The following SLC43A1 variants were observed in gnomAD, a reference collection of about 807,000 sequenced individuals.
The protein encoded by SLC43A1 is large neutral amino acids transporter small subunit 3.
Under a neutral mutation model 59.5 loss-of-function variants are expected in SLC43A1, and 31 were observed. That is an observed-to-expected ratio of 0.52 (90% confidence interval 0.39 to 0.70). The LOEUF (loss-of-function observed/expected upper bound fraction) is 0.70. Among genes scored for constraint, SLC43A1 ranks in the 30% least tolerant of loss-of-function variants. The pLI is 0.00. For synonymous variants in SLC43A1, 259 were observed against 290.9 expected (o/e 0.89, Z 1.12); for missense variants, 598 against 717.8 (o/e 0.83, Z 1.91).
At chr11:57,486,554 C>T (rs895218638) in intron 14 of SLC43A1, among the ~76,000 whole-genome samples, 2 of 149,886 alleles carry the variant, frequency 1.3e-5, no homozygotes, top group African/African-American at 4.9e-5. Context: ...AATCCCAGCA[C>T]TTTGGGAGGC....
At position 57,514,391 on chromosome 11, in the gene SLC43A1, C is replaced by A; in HGVS notation, c.-13-267G>T. On this transcript the variant is annotated intron_variant, in intron 1 of 14. Coordinates refer to ENST00000278426, the MANE Select transcript of SLC43A1 (RefSeq NM_003627.6). This position sits in a 1 kb window ranked among gnomAD's most constrained non-coding sequence, Gnocchi z 5.5. Reference sequence around the variant, plus strand: ...CTGCGCGCTGCAGCTTCCTAGCAGGCTGCCGGGTTCTCTCACCCAGGCCAG... The same window carrying A: ...CTGCGCGCTGCAGCTTCCTAGCAGGATGCCGGGTTCTCTCACCCAGGCCAG... 1 of 437,694 alleles carries A rather than the reference C, an allele frequency of 2.3e-6. No homozygotes were observed. The highest frequency in any genetic ancestry group is 4.4e-5 in the East Asian group (1 of 22,622). 27.1% of individuals were successfully genotyped at this position (437,694 alleles called of 1,614,324 possible).
At chr11:57,500,272 G>A (rs1256974038) in intron 5 of SLC43A1, among the ~76,000 whole-genome samples, 1 of 152,148 alleles carries the variant, frequency 6.6e-6, no homozygotes, top group Non-Finnish European at 1.5e-5. Context: ...GCTTTCACAG[G>A]GACGGGGTCA....
At chr11:57,513,602 A>G (rs549840057) in intron 2 of SLC43A1, among the ~76,000 whole-genome samples, 7 of 152,292 alleles carry the variant, frequency 4.6e-5, no homozygotes, top group African/African-American at 1.7e-4. Context: ...TTCATACTCC[A>G]CTTTGTGCAG....
chr11:57,507,360 C>T (rs903743562), intron 2 of SLC43A1, among the ~76,000 whole-genome samples: 1 of 152,186 alleles, frequency 6.6e-6, no homozygotes, highest in East Asian at 1.9e-4. Flanking sequence ...ATCCCAGCTA[C>T]TTGGGAGGTT....
At chr11:57,496,283 A>G (rs1209433371) in intron 6 of SLC43A1, 119 bp from the exon 7 acceptor site, 3 of 1,170,900 alleles carry the variant, frequency 2.6e-6, no homozygotes, top group Non-Finnish European at 3.5e-6. Context: ...CTTGTGCCCA[A>G]TTTGCAGATG....
chr11:57,513,615 C>T (rs539493056), intron 2 of SLC43A1, among the ~76,000 whole-genome samples: 1 of 152,338 alleles, frequency 6.6e-6, no homozygotes, highest in East Asian at 1.9e-4. Context: ...TTGTGCAGCT[C>T]TCCCTTGTCT....
At chr11:57,503,297 G>GTT (rs11402480) in intron 2 of SLC43A1, among the ~76,000 whole-genome samples, 1,905 of 115,820 alleles carry the variant, frequency 0.016, 73 homozygotes, top group East Asian at 0.043. Flanking sequence ...TTCTCTACAG[G>GTT]TTTTTTTTTT....
chr11:57,512,864 T>C (rs1327840093), intron 2 of SLC43A1, among the ~76,000 whole-genome samples: 1 of 152,112 alleles, frequency 6.6e-6, no homozygotes, highest in Non-Finnish European at 1.5e-5. Context: ...CATGGCTGGA[T>C]GCGGCAGATC....
chr11:57,486,328 A>G (rs1422556719), intron 14 of SLC43A1, among the ~76,000 whole-genome samples: 1 of 152,170 alleles, frequency 6.6e-6, no homozygotes, highest in Admixed American at 6.5e-5. Context: ...TTATCTGTAC[A>G]AAATTTTTTT....
chr11:57,489,228 A>T (rs1183531839), intron 12 of SLC43A1, 23 bp downstream of exon 12: 2 of 1,613,556 alleles, frequency 1.2e-6, no homozygotes, highest in Non-Finnish European at 1.7e-6. Context: ...AGGCAGGGAG[A>T]GGGGAAGGAT....
chr11:57,511,277 A>C (rs1944536967), intron 2 of SLC43A1, among the ~76,000 whole-genome samples: 1 of 151,874 alleles, frequency 6.6e-6, no homozygotes, highest in Admixed American at 6.6e-5. Context: ...ATTTTTTTTT[A>C]ATTAGCTGGA....
At chr11:57,486,378 T>G (rs1445539498) in intron 14 of SLC43A1, among the ~76,000 whole-genome samples, 1 of 151,918 alleles carries the variant, frequency 6.6e-6, no homozygotes, top group African/African-American at 2.4e-5. Context: ...CACCTGTGGT[T>G]GCAGCTACTC....
At chr11:57,512,941 C>T (rs1455162012) in intron 2 of SLC43A1, among the ~76,000 whole-genome samples, 1 of 152,126 alleles carries the variant, frequency 6.6e-6, no homozygotes, top group Non-Finnish European at 1.5e-5. Flanking sequence ...CTCAAGGAAT[C>T]GGTTTTCTTC....
chr11:57,491,078 G>C, intron 11 of SLC43A1, 146 bp downstream of exon 11: 1 of 1,030,124 alleles, frequency 9.7e-7, no homozygotes, highest in Non-Finnish European at 1.3e-6. Flanking sequence ...CCTAGCCTCA[G>C]TTTCCTCATC....
rs1344960545 is a variant in SLC43A1, at chr11:57,488,861, G to A, written c.1409+55C>T. On this transcript the variant is annotated intron_variant, in intron 13 of 14. Transcript: ENST00000278426. ...GGGGCCCTCCCAACCCTTCCCTGGG[G>A]TTCTCTGATCACGGTTGCAAAGCTC... 12 of 1,474,006 alleles carry A rather than the reference G, an allele frequency of 8.1e-6. No individual in the cohort carries two copies. In the East Asian group the frequency reaches 2.5e-4, roughly 31 times the overall value. The allele number at this position is 1,474,006 out of a possible 1,614,324, so 91.3% of individuals were successfully genotyped here.
intron 2 of SLC43A1, among the ~76,000 whole-genome samples, chr11:57,502,613 G>A (rs536701730): frequency 7.9e-5 from 12 of 152,286 alleles, no homozygotes; most frequent in African/African-American, 2.9e-4. Context: ...GCTCACACCT[G>A]TAATCTCAGG....
rs1405951366 is a variant in SLC43A1, at chr11:57,494,106, T to C, written c.758A>G (p.His253Arg). The change falls in exon 8 of 15, where the codon CAT becomes CGT. Residue 253 changes from histidine to arginine, a missense_variant. Coordinates refer to ENST00000278426, the MANE Select transcript of SLC43A1 (RefSeq NM_003627.6). ...GAGCCTCTGGCCCATGGTGGTCACA[T>C]GGGTGTAGAAGAGGTCACCTGTCAC... is the stretch of plus-strand genomic sequence containing the variant. The part of the protein sequence containing the change: ...HKVTGDLFYT[H>R]VTTMGQRLSQ... The C allele has an allele frequency of 2.5e-6, 4 of 1,611,486 alleles. No individual in the cohort carries two copies. Among genetic ancestry groups the C allele is most frequent in the Non-Finnish European group, 3.4e-6 (4 of 1,178,918 alleles).
In SLC43A1 at chr11:57,494,267, C is replaced by T. The variant is rs559320637; in HGVS notation, c.693-96G>A. On this transcript the variant is annotated intron_variant, in intron 7 of 14. Transcript: ENST00000278426. The stretch of plus-strand genomic sequence containing the variant: ...GCGGCCATCCCAGCGGTTTCCAGCA[C>T]TCCTTTACCCGGCATTGACATGCTC... 1.1e-5 allele frequency: 12 copies of T among 1,120,560 alleles called. No homozygotes were observed. The South Asian group carries it at 1.8e-4, about 16-fold the overall frequency. The allele number at this position is 1,120,560 out of a possible 1,614,324, so 69.4% of individuals were successfully genotyped here. A position where few individuals can be genotyped will look rare whatever the true frequency, so the allele number is the denominator to read the frequency against.
At chr11:57,500,154 C>T (rs1944216021) in intron 5 of SLC43A1, among the ~76,000 whole-genome samples, 2 of 152,216 alleles carry the variant, frequency 1.3e-5, no homozygotes, top group Admixed American at 6.5e-5. Flanking sequence ...GAGCAACACA[C>T]ATACACCACT....
Sources: gnomAD v4.1 joint callset for allele counts (sites outside exome capture counted in the v4.1 genomes callset) on GRCh38, gnomAD v4.1.1 for gene constraint, Gnocchi (gnomAD v3.1) non-coding constraint, MANE v1.5 for transcripts, NCBI Gene and HGNC (gene_info 2026-07-23, HGNC 2026-07-21) for gene names.